The following FNBP1L variants were observed in gnomAD, a reference collection of about 807,000 sequenced individuals.
FNBP1L encodes formin binding protein 1 like.
In FNBP1L, 36 loss-of-function variants were observed where a neutral mutation model predicts 91.2. That is an observed-to-expected ratio of 0.39 (90% CI 0.30 to 0.52). FNBP1L has a LOEUF of 0.52. FNBP1L is among the 20% of genes least tolerant of loss of function. The probability of loss-of-function intolerance (pLI) is 0.66; values close to 1 mark genes in which losing one functional copy is unlikely to be tolerated. For synonymous variants in FNBP1L, 242 were observed against 237.0 expected, an observed-to-expected ratio of 1.02 and a Z score of -0.19; for missense variants, 571 against 732.1, an observed-to-expected ratio of 0.78 and a Z score of 2.54.
At chr1:93,454,661 A>G (rs181101252) in intron 1 of FNBP1L, among the ~76,000 whole-genome samples, 2 of 152,170 alleles carry the variant, frequency 1.3e-5, no homozygotes, top group Admixed American at 6.5e-5. Context: ...CTGTGACTGT[A>G]TACTGTAGGC....
At chr1:93,498,277 T>C (rs901926050) in intron 1 of FNBP1L, among the ~76,000 whole-genome samples, 3 of 152,162 alleles carry the variant, frequency 2.0e-5, no homozygotes, top group African/African-American at 7.2e-5. Context: ...TTTTTTTTGT[T>C]TGTTTGTTTT....
At chr1:93,506,505 C>G (rs1337270034) in intron 2 of FNBP1L, among the ~76,000 whole-genome samples, 1 of 147,072 alleles carries the variant, frequency 6.8e-6, no homozygotes, top group East Asian at 2.0e-4. Context: ...ATGTGTTAAT[C>G]TGGCAGCTCT....
chr1:93,466,314 CAAGAGTT>C (rs1390280604), intron 1 of FNBP1L, among the ~76,000 whole-genome samples: 1 of 152,134 alleles, frequency 6.6e-6, no homozygotes, highest in Non-Finnish European at 1.5e-5. Flanking sequence ...AGGTTTTCTT[CAAGAGTT>C]TTTATGGTTT....
intron 1 of FNBP1L, among the ~76,000 whole-genome samples, chr1:93,490,949 T>C (rs1670071540): frequency 1.3e-5 from 2 of 152,204 alleles, no homozygotes; most frequent in African/African-American, 4.8e-5. Context: ...ATTTACTTAA[T>C]TATTTTTAAG....
intron 1 of FNBP1L, among the ~76,000 whole-genome samples, chr1:93,483,242 G>A (rs1436237082): frequency 2.0e-5 from 3 of 151,022 alleles, no homozygotes; most frequent in Non-Finnish European, 2.9e-5. Flanking sequence ...CCACCCTACC[G>A]GGTCACAGGC....
rs747741885 is a variant in FNBP1L, at chr1:93,522,110, C to T, written c.169C>T (p.Arg57Cys). 8 of 1,520,824 alleles carry T rather than the reference C, an allele frequency of 5.3e-6. No individual in the cohort carries two copies. The highest frequency in any genetic ancestry group is 1.4e-5 in the African/African-American group (1 of 71,256). 94.2% of individuals were successfully genotyped at this position (1,520,824 alleles called of 1,614,324 possible). The change falls in exon 3 of 17, where the codon CGT (arginine) becomes TGT (cysteine). Residue 57 changes from arginine (R) to cysteine (C), a missense_variant. Physicochemically the swap from Arg to Cys is radical, Grantham distance 180. Transcript: ENST00000271234. Reference sequence around the variant, plus strand: ...TCTGGTTAAGAAGTACTGCCCCAAACGTTCATCCAAAGATGAAGAGCCACG... The same window carrying T: ...TCTGGTTAAGAAGTACTGCCCCAAATGTTCATCCAAAGATGAAGAGCCACG... ...RNLVKKYCPKRSSKDEEPRFT... is the reference protein window; with the variant it reads ...RNLVKKYCPKCSSKDEEPRFT...
chr1:93,483,736 C>T (rs1669798224), intron 1 of FNBP1L, among the ~76,000 whole-genome samples: 2 of 151,988 alleles, frequency 1.3e-5, no homozygotes, highest in South Asian at 4.2e-4. Context: ...GGAGTTATTC[C>T]CATGAATATA....
chr1:93,471,558 G>A (rs1226351735), intron 1 of FNBP1L, among the ~76,000 whole-genome samples: 1 of 152,120 alleles, frequency 6.6e-6, no homozygotes, highest in African/African-American at 2.4e-5. Context: ...TGGGCGTGGT[G>A]GTGTGTGCCT....
intron 13 of FNBP1L, among the ~76,000 whole-genome samples, 178 bp from the exon 14 acceptor site, chr1:93,547,169 T>C (rs1050821275): frequency 6.6e-6 from 1 of 152,168 alleles, no homozygotes; most frequent in African/African-American, 2.4e-5. Context: ...GATTAAACAT[T>C]TATACTATTT....
intron 15 of FNBP1L, among the ~76,000 whole-genome samples, 162 bp from the exon 16 acceptor site, chr1:93,550,785 T>TG (rs1315792522): frequency 1.3e-5 from 2 of 152,226 alleles, no homozygotes; most frequent in Non-Finnish European, 2.9e-5. Context: ...ATGAAAGTGC[T>TG]GGGTAAGCCA....
intron 2 of FNBP1L, among the ~76,000 whole-genome samples, chr1:93,515,406 C>G (rs1340082501): frequency 7.3e-5 from 11 of 151,716 alleles, no homozygotes; most frequent in Admixed American, 7.2e-4. Flanking sequence ...CCAGCCATCC[C>G]ATTACTGGGT....
intron 1 of FNBP1L, among the ~76,000 whole-genome samples, chr1:93,464,607 ATGT>A (rs759215774): frequency 1.3e-5 from 2 of 152,184 alleles, no homozygotes; most frequent in African/African-American, 2.4e-5. Context: ...CAATCATAAT[ATGT>A]TGTTTTCTTT....
At position 93,553,169 on chromosome 1, in the gene FNBP1L, C is replaced by T. The variant is rs1188201788; in HGVS notation, c.*753C>T. 2.0e-5 allele frequency: 3 copies of T among 152,658 alleles called. No homozygotes were observed. Among genetic ancestry groups the T allele is most frequent in the Non-Finnish European group, 4.4e-5 (3 of 68,054 alleles). The allele number at this position is 152,658 out of a possible 1,614,324, so 9.5% of individuals were successfully genotyped here. On this transcript the variant is annotated 3_prime_UTR_variant, in exon 17 of 17. Coordinates refer to ENST00000271234, the MANE Select transcript of FNBP1L (RefSeq NM_001164473.3). ...TCTTTGAAACGTGATACATCTTCAG[C>T]ACCTCAGTCTGGGAAGAATCTAGTC...
chr1:93,473,909 G>C lies in FNBP1L; in HGVS notation c.25-25559G>C, dbSNP rs190766467. ...AGTAGCTGTAGGCAGAAAGGGCTGCGTGACGGGATCTATGGCCTTTAGTAG... is the reference window on the plus strand; with the variant it reads ...AGTAGCTGTAGGCAGAAAGGGCTGCCTGACGGGATCTATGGCCTTTAGTAG... On this transcript the variant is annotated intron_variant, in intron 1 of 16. Coordinates refer to ENST00000271234, the MANE Select transcript of FNBP1L (RefSeq NM_001164473.3). Among the ~76,000 whole-genome samples the C allele has an allele frequency of 5.9e-5, 9 of 152,244 alleles. No individual in the cohort carries two copies. In the South Asian group the frequency reaches 8.3e-4, roughly 14 times the overall value.
chr1:93,471,107 T>A (rs1361604888), intron 1 of FNBP1L, among the ~76,000 whole-genome samples: 1 of 152,214 alleles, frequency 6.6e-6, no homozygotes, highest in Non-Finnish European at 1.5e-5. Context: ...AGTTGAGTGT[T>A]CCTTATCCAA....
chr1:93,513,083 G>T (rs1480230885), intron 2 of FNBP1L, among the ~76,000 whole-genome samples: 1 of 151,842 alleles, frequency 6.6e-6, no homozygotes, highest in Non-Finnish European at 1.5e-5. Context: ...ATGATAAAGG[G>T]GATATCACCA....
chr1:93,452,670 C>T (rs981796069), intron 1 of FNBP1L, among the ~76,000 whole-genome samples: 1 of 152,148 alleles, frequency 6.6e-6, no homozygotes, highest in African/African-American at 2.4e-5. Context: ...CCACAATCGT[C>T]CTTCCTTAAG....
intron 1 of FNBP1L, among the ~76,000 whole-genome samples, chr1:93,457,279 C>T (rs767526781): frequency 2.6e-5 from 4 of 152,160 alleles, no homozygotes; most frequent in Non-Finnish European, 4.4e-5. Context: ...CTCTTTTGCA[C>T]CTTCTTCCTT....
chr1:93,504,276 G>T (rs1157218790), intron 2 of FNBP1L, among the ~76,000 whole-genome samples: 3 of 152,128 alleles, frequency 2.0e-5, no homozygotes, highest in Non-Finnish European at 4.4e-5. Flanking sequence ...GTACATCATT[G>T]TGATGTGGTC....
Sources: allele counts gnomAD v4.1 joint callset (sites outside exome capture counted in the v4.1 genomes callset), GRCh38; gene constraint gnomAD v4.1.1; transcripts MANE v1.5; gene names NCBI Gene and HGNC (gene_info 2026-07-23, HGNC 2026-07-21).